The following GALNTL5 variants were observed in gnomAD, a reference collection of about 807,000 sequenced individuals.
The protein encoded by GALNTL5 is polypeptide N-acetylgalactosaminyltransferase like 5, also known as inactive polypeptide N-acetylgalactosaminyltransferase-like protein 5.
GALNTL5 carries 44 observed loss-of-function variants against 51.0 expected under a neutral mutation model. The ratio of observed to expected loss-of-function variants is 0.86; its 90% CI spans 0.68 to 1.11. GALNTL5 has a LOEUF of 1.11. Ranked by LOEUF, GALNTL5 falls within the 50% of genes least tolerant of loss-of-function variation. The probability of loss-of-function intolerance (pLI) is 0.00; values close to 1 mark genes in which losing one functional copy is unlikely to be tolerated. For missense variants in GALNTL5, 528 were observed against 531.8 expected, an observed-to-expected ratio of 0.99 and a Z score of 0.07; for synonymous variants, 192 against 182.8, an observed-to-expected ratio of 1.05 and a Z score of -0.41.
At chr7:152,006,725 A>C (rs1316603887) in intron 6 of GALNTL5, among the ~76,000 whole-genome samples, 3 of 152,136 alleles carry the variant, frequency 2.0e-5, no homozygotes, top group African/African-American at 2.4e-5. Flanking sequence ...GTGCTCAATA[A>C]ATACTTATTT....
chr7:151,965,598 G>C (rs2081049026), intron 1 of GALNTL5, among the ~76,000 whole-genome samples: 1 of 152,126 alleles, frequency 6.6e-6, no homozygotes, highest in South Asian at 2.1e-4. Flanking sequence ...ACAGTAGGAG[G>C]CTGGACATGG....
At position 152,002,046 on chromosome 7, in the gene GALNTL5, G is replaced by A. The variant is rs186740248; in HGVS notation, c.659-668G>A. On this transcript the variant is annotated intron_variant, in intron 5 of 8. Coordinates refer to ENST00000392800, the MANE Select transcript of GALNTL5 (RefSeq NM_145292.4). ...CCACTGAAGCTTGAACTCAAAGGCT[G>A]AGGTGGGCGGATCACCTGAGGTCAG... Among the ~76,000 whole-genome samples the A allele has an allele frequency of 3.9e-5, 6 of 152,228 alleles. No individual in the cohort carries two copies. In the East Asian group the frequency reaches 1.2e-3, roughly 29 times the overall value.
chr7:151,982,239 A>G lies in GALNTL5; in HGVS notation c.369-747A>G, dbSNP rs568475312. ...ACCAGCCTGGCCAACATGGTGAAAC[A>G]CTGTCTCTACTAAAAACATAAAAAA... On this transcript the variant is annotated intron_variant, in intron 3 of 8. Coordinates refer to ENST00000392800, the MANE Select transcript of GALNTL5 (RefSeq NM_145292.4). 3.1e-4 allele frequency among the ~76,000 whole-genome samples: 47 copies of G among 151,854 alleles called. 1 individual carries two copies. Among genetic ancestry groups the G allele is most frequent in the Admixed American group, 2.0e-3 (30 of 15,254 alleles).
intron 1 of GALNTL5, among the ~76,000 whole-genome samples, chr7:151,965,038 T>C (rs1030255129): frequency 1.3e-5 from 2 of 152,190 alleles, no homozygotes; most frequent in Non-Finnish European, 2.9e-5. Flanking sequence ...TCTACCAGTC[T>C]ACTTCTCCAA....
chr7:151,995,844 G>A, intron 5 of GALNTL5, among the ~76,000 whole-genome samples: 1 of 152,156 alleles, frequency 6.6e-6, no homozygotes, highest in East Asian at 1.9e-4. Context: ...AAGGCTCTCA[G>A]AGGTTTTAGA....
chr7:152,006,675 T>C (rs118165417), intron 6 of GALNTL5, among the ~76,000 whole-genome samples: 182 of 152,362 alleles, frequency 1.2e-3, no homozygotes, highest in Non-Finnish European at 1.9e-3. Flanking sequence ...CACATGGGTC[T>C]TGGTTTGTGT....
chr7:151,989,908 G>A (rs1367918659), intron 5 of GALNTL5, among the ~76,000 whole-genome samples: 3 of 151,992 alleles, frequency 2.0e-5, no homozygotes. Context: ...CTAATGTGTT[G>A]TTTGTCTTTT....
chr7:152,018,967 T>C (rs1386652028), intron 8 of GALNTL5, among the ~76,000 whole-genome samples: 3 of 152,180 alleles, frequency 2.0e-5, no homozygotes, highest in Non-Finnish European at 2.9e-5. Context: ...CTACTTAGAA[T>C]ACCTTTTTTC....
At chr7:151,995,392 C>CTTT (rs2081487115) in intron 5 of GALNTL5, 1 of 62,978 alleles carries the variant, frequency 1.6e-5, no homozygotes, top group African/African-American at 6.5e-5. Flanking sequence ...TTTTTTTTTG[C>CTTT]ATGGGAGCGG....
At chr7:152,003,528 G>T (rs377411827) in intron 6 of GALNTL5, among the ~76,000 whole-genome samples, 1 of 152,166 alleles carries the variant, frequency 6.6e-6, no homozygotes. Context: ...ATCGTTGAGG[G>T]GATTAAATGA....
At chr7:151,996,995 T>G (rs1296256530) in intron 5 of GALNTL5, among the ~76,000 whole-genome samples, 1 of 139,014 alleles carries the variant, frequency 7.2e-6, no homozygotes, top group Non-Finnish European at 1.6e-5. Context: ...CATACGCTAT[T>G]TGTTGCTTTT....
At chr7:151,988,128 A>C (rs2081384119) in intron 5 of GALNTL5, among the ~76,000 whole-genome samples, 2 of 152,210 alleles carry the variant, frequency 1.3e-5, no homozygotes, top group African/African-American at 2.4e-5. Context: ...TCCCAGTTCC[A>C]GGTAAGGGGA....
chr7:151,994,049 G>A (rs1204225910), intron 5 of GALNTL5, among the ~76,000 whole-genome samples: 7 of 152,158 alleles, frequency 4.6e-5, no homozygotes, highest in Admixed American at 2.6e-4. Context: ...AAGTTTCTTA[G>A]AGTTGTACTG....
chr7:151,974,844 G>C (rs1186336621), intron 3 of GALNTL5, among the ~76,000 whole-genome samples: 1 of 152,132 alleles, frequency 6.6e-6, no homozygotes, highest in Non-Finnish European at 1.5e-5. Flanking sequence ...ACAAAGTTTA[G>C]AGAGATTTGT....
At chr7:151,979,884 A>G (rs532955880) in intron 3 of GALNTL5, among the ~76,000 whole-genome samples, 1 of 152,168 alleles carries the variant, frequency 6.6e-6, no homozygotes, top group Non-Finnish European at 1.5e-5. Flanking sequence ...ACCAACATCA[A>G]ACTGAAGGGA....
At position 151,979,096 on chromosome 7, in the gene GALNTL5, T is replaced by G. The variant is rs574905797; in HGVS notation, c.369-3890T>G. On this transcript the variant is annotated intron_variant, in intron 3 of 8. Transcript: ENST00000392800. ...GAGGACAACCAAAGGCCATCCAAAT[T>G]ACTTTTACTCTTTTTTTTTTTTTTT... 5.6e-5 allele frequency among the ~76,000 whole-genome samples: 8 copies of G among 143,532 alleles called. No individual in the cohort carries two copies. The Admixed American group carries it at 6.1e-4, about 11-fold the overall frequency. The allele number at this position is 143,532 out of a possible 152,430, so 94.2% of individuals were successfully genotyped here.
intron 6 of GALNTL5, among the ~76,000 whole-genome samples, chr7:152,004,548 C>T (rs1169371404): frequency 6.6e-6 from 1 of 151,862 alleles, no homozygotes; most frequent in African/African-American, 2.4e-5. Flanking sequence ...TCCAAGTATC[C>T]ACCACTCAAA....
In GALNTL5 at chr7:151,988,715, C is replaced by CTTT. The variant is rs3037136; in HGVS notation, c.658+1446_658+1448dup. Among the ~76,000 whole-genome samples, 368 of 143,240 alleles carry CTTT rather than the reference C, an allele frequency of 2.6e-3. 9 individuals are homozygous for CTTT. The East Asian group carries it at 0.028, about 11-fold the overall frequency. The allele number at this position is 143,240 out of a possible 152,430, so 94.0% of individuals were successfully genotyped here. On this transcript the variant is annotated intron_variant, in intron 5 of 8. Transcript: ENST00000392800. ...GGGTTAAGGATTTTTATTTATTTTA[C>CTTT]TTTTTTTTTTTTTTGAGACAGTTTC... is the stretch of plus-strand genomic sequence containing the variant.
At chr7:151,976,167 T>C (rs948803858) in intron 3 of GALNTL5, among the ~76,000 whole-genome samples, 4 of 152,240 alleles carry the variant, frequency 2.6e-5, no homozygotes, top group East Asian at 3.8e-4. Context: ...AAGTGGGGTA[T>C]TGAAGTCCTC....
Sources: gnomAD v4.1 joint callset for allele counts (sites outside exome capture counted in the v4.1 genomes callset) on GRCh38, gnomAD v4.1.1 for gene constraint, MANE v1.5 for transcripts, NCBI Gene and HGNC (gene_info 2026-07-23, HGNC 2026-07-21) for gene names.